The following GFRAL variants were observed in gnomAD, a reference collection of about 807,000 sequenced individuals.
GFRAL encodes the protein GDNF family receptor alpha like.
A neutral mutation model predicts 45.4 loss-of-function variants in GFRAL; 36 were observed. That is an observed-to-expected ratio of 0.79 (90% CI 0.61 to 1.05). The LOEUF is 1.05. Ranked by LOEUF, GFRAL falls within the 50% of genes least tolerant of loss-of-function variation. The pLI, the probability that GFRAL is intolerant of heterozygous loss-of-function variation, is 0.00. For missense variants in GFRAL, 507 were observed against 467.5 expected (o/e 1.08, Z -0.78); for synonymous variants, 166 against 154.1 (o/e 1.08, Z -0.57).
chr6:55,379,286 G>C (rs1320049216), intron 6 of GFRAL, among the ~76,000 whole-genome samples: 2 of 151,662 alleles, frequency 1.3e-5, no homozygotes, highest in Non-Finnish European at 2.9e-5. Context: ...GTACCCAAGA[G>C]TTATCTTTTC....
At chr6:55,381,989 A>G (rs1219591810) in intron 6 of GFRAL, among the ~76,000 whole-genome samples, 2 of 151,876 alleles carry the variant, frequency 1.3e-5, no homozygotes, top group Non-Finnish European at 2.9e-5. Context: ...TCTAGCCAAA[A>G]CCACTGACTT....
chr6:55,361,683 T>A (rs1768277308), intron 6 of GFRAL, among the ~76,000 whole-genome samples: 1 of 152,018 alleles, frequency 6.6e-6, no homozygotes, highest in Admixed American at 6.6e-5. Context: ...AACAAACCTT[T>A]ATCCATTGCC....
At chr6:55,363,588 T>C (rs34763332) in intron 6 of GFRAL, among the ~76,000 whole-genome samples, 33 of 103,750 alleles carry the variant, frequency 3.2e-4, no homozygotes, top group Non-Finnish European at 3.5e-4. Context: ...CCCTCCCCCC[T>C]CCCCCCACCC....
At chr6:55,355,060 T>C (rs1768170009) in intron 5 of GFRAL, among the ~76,000 whole-genome samples, 1 of 151,976 alleles carries the variant, frequency 6.6e-6, no homozygotes. Context: ...GCTTAGGAAA[T>C]ATTCTAAATA....
rs1723000605 is a variant in GFRAL at position 55,333,844 on chromosome 6, C to T, written c.216C>T (p.Tyr72=). The T allele has an allele frequency of 1.2e-6, 2 of 1,610,138 alleles. No homozygotes were observed. The highest frequency in any genetic ancestry group is 1.3e-5 in the African/African-American group (1 of 74,774). ...CATACTGTAACCTGAGTATCCAGTA[C>T]TTAGTGGAAAGCAATTTCCAATTTA... ...NSSYCNLSIQ[Y]LVESNFQFKE... Residue 72 remains tyrosine (Y), a synonymous_variant, in exon 3 of 9, where the codon TAC becomes TAT. Coordinates refer to ENST00000340465, the MANE Select transcript of GFRAL (RefSeq NM_207410.2).
chr6:55,368,899 G>A (rs1227582360), intron 6 of GFRAL, among the ~76,000 whole-genome samples: 1 of 152,114 alleles, frequency 6.6e-6, no homozygotes, highest in African/African-American at 2.4e-5. Flanking sequence ...CTTTTTGTTT[G>A]TCTGTGCCCT....
intron 6 of GFRAL, among the ~76,000 whole-genome samples, chr6:55,395,175 A>AAAATATATATAT: frequency 1.3e-3 from 163 of 123,454 alleles, no homozygotes; most frequent in Middle Eastern, 4.2e-3. Context: ...AAAAAAAAAA[A>AAAATATATATAT]ATATATATAT....
Position 55,340,383 on chromosome 6 carries a change from C to A in GFRAL, c.316+6439C>A, listed in dbSNP as rs191048210. ...CTAAAGCACCCAGCAGAATACCTGA[C>A]GCTTAGCAAATTATTAGTAAATATA... is the stretch of plus-strand genomic sequence containing the variant. On this transcript the variant is annotated intron_variant, in intron 3 of 8. Coordinates refer to ENST00000340465, the MANE Select transcript of GFRAL (RefSeq NM_207410.2). 1.9e-3 allele frequency among the ~76,000 whole-genome samples: 286 copies of A among 152,218 alleles called. 1 individual carries two copies. The highest frequency in any genetic ancestry group is 5.2e-3 in the African/African-American group (218 of 41,540).
intron 6 of GFRAL, among the ~76,000 whole-genome samples, chr6:55,365,800 A>T (rs1768353502): frequency 6.7e-6 from 1 of 150,322 alleles, no homozygotes; most frequent in Non-Finnish European, 1.5e-5. Flanking sequence ...CCACTTGATC[A>T]TGGTGGATAA....
intron 5 of GFRAL, among the ~76,000 whole-genome samples, chr6:55,355,870 T>C (rs995238493): frequency 5.3e-5 from 8 of 152,116 alleles, no homozygotes; most frequent in Admixed American, 3.3e-4. Flanking sequence ...CTCTGTCATA[T>C]ATGGCATTTA....
chr6:55,374,817 G>A (rs566956652), intron 6 of GFRAL, among the ~76,000 whole-genome samples: 105 of 152,214 alleles, frequency 6.9e-4, no homozygotes, highest in African/African-American at 2.5e-3. Context: ...GTAAGGAAGG[G>A]ATCCAGTTTC....
chr6:55,358,894 C>A lies in GFRAL; in HGVS notation c.708C>A (p.His236Gln). The stretch of plus-strand genomic sequence containing the variant: ...TTCTTCACTCTTTCTCTAGGAGGCA[C>A]TATAGAACATTTCAGTCAAAATGCT... ...SCQNDELCRR[H>Q]YRTFQSKCWQ... Residue 236 changes from histidine to glutamine, a missense_variant, in exon 6 of 9, where the codon CAC (histidine) becomes CAA (glutamine). By Grantham distance (24) the His-to-Gln change is conservative. Coordinates refer to ENST00000340465, the MANE Select transcript of GFRAL (RefSeq NM_207410.2). 1 of 1,612,160 alleles carries A rather than the reference C, an allele frequency of 6.2e-7. No individual in the cohort carries two copies. Among genetic ancestry groups the A allele is most frequent in the Non-Finnish European group, 8.5e-7 (1 of 1,178,714 alleles).
At chr6:55,336,798 C>T (rs1268062367) in intron 3 of GFRAL, among the ~76,000 whole-genome samples, 4 of 152,082 alleles carry the variant, frequency 2.6e-5, no homozygotes, top group African/African-American at 4.8e-5. Context: ...ACCTTTTCAC[C>T]TGTCTTAGGA....
At chr6:55,334,052 T>C (rs1341233791) in intron 3 of GFRAL, 108 bp downstream of exon 3, 1 of 749,804 alleles carries the variant, frequency 1.3e-6, no homozygotes, top group African/African-American at 1.8e-5. Context: ...ATTTGATTAA[T>C]TCTTTTCAAA....
chr6:55,380,503 A>G (rs1036373631), intron 6 of GFRAL, among the ~76,000 whole-genome samples: 1 of 151,964 alleles, frequency 6.6e-6, no homozygotes, highest in African/African-American at 2.4e-5. Flanking sequence ...GAGTTCAGCA[A>G]CATGTATTTA....
chr6:55,399,331 C>A (rs1342100722), intron 7 of GFRAL, 38 bp from the exon 8 acceptor site: 3 of 1,552,020 alleles, frequency 1.9e-6, no homozygotes, highest in Non-Finnish European at 1.8e-6. Flanking sequence ...CTCTAAAAAT[C>A]CAGTGACTAT....
At chr6:55,359,790 A>G (rs1479593093) in intron 6 of GFRAL, among the ~76,000 whole-genome samples, 1 of 151,952 alleles carries the variant, frequency 6.6e-6, no homozygotes, top group Non-Finnish European at 1.5e-5. Context: ...TGCTACTGTC[A>G]CATTTGTAAT....
Position 55,331,703 on chromosome 6 carries a change from T to C in GFRAL, c.23-12T>C, listed in dbSNP as rs758434105. ...TTATATTACAACCTTGTTTTTGTTG[T>C]TGTTATTCAAGCTATGGGGTTAAGC... On this transcript the variant is annotated splice_polypyrimidine_tract_variant and intron_variant, in intron 1 of 8. Transcript: ENST00000340465. 1.6e-5 allele frequency: 25 copies of C among 1,594,498 alleles called. No homozygotes were observed. In the East Asian group the frequency reaches 5.4e-4, roughly 35 times the overall value.
chr6:55,345,566 T>C (rs931929557), intron 3 of GFRAL, among the ~76,000 whole-genome samples: 4 of 152,082 alleles, frequency 2.6e-5, no homozygotes, highest in Non-Finnish European at 4.4e-5. Flanking sequence ...AAGACTTACA[T>C]GTTAGACCTA....
Sources: gnomAD v4.1 joint callset for allele counts (sites outside exome capture counted in the v4.1 genomes callset) on GRCh38, gnomAD v4.1.1 for gene constraint, MANE v1.5 for transcripts, NCBI Gene and HGNC (gene_info 2026-07-23, HGNC 2026-07-21) for gene names.